Variants in PROM1 observed in about 807,000 individuals in gnomAD.
PROM1 encodes prominin 1.
PROM1 carries 105 observed loss-of-function variants against 116.9 expected under a neutral mutation model. The ratio of observed to expected loss-of-function variants is 0.90; its 90% CI spans 0.77 to 1.06. The LOEUF (loss-of-function observed/expected upper bound fraction) is 1.06. Ranked by LOEUF, PROM1 falls within the 50% of genes least tolerant of loss-of-function variation. PROM1 has a pLI of 0.00. For missense variants in PROM1, 1,122 were observed against 1,045.2 expected, an observed-to-expected ratio of 1.07 and a Z score of -1.01; for synonymous variants, 393 against 387.0, an observed-to-expected ratio of 1.02 and a Z score of -0.18.
At chr4:15,984,493 G>A in intron 22 of PROM1, 138 bp from the exon 23 acceptor site, 3 of 552,436 alleles carry the variant, frequency 5.4e-6, no homozygotes, top group Admixed American at 3.4e-5. Context: ...CAACTCCTGG[G>A]TCACAGATGG....
intron 10 of PROM1, among the ~76,000 whole-genome samples, chr4:16,015,460 G>A (rs1041547086): frequency 9.9e-5 from 15 of 151,236 alleles, no homozygotes; most frequent in African/African-American, 3.6e-4. Context: ...AAGGCCAAGG[G>A]GGGCAGATCA....
At chr4:15,982,562 C>T (rs972673259) in intron 23 of PROM1, among the ~76,000 whole-genome samples, 3 of 152,174 alleles carry the variant, frequency 2.0e-5, no homozygotes, top group African/African-American at 7.2e-5. Flanking sequence ...CGATGTAAAC[C>T]CTCTGCTACA....
chr4:16,027,285 T>C (rs1017588085), intron 5 of PROM1, among the ~76,000 whole-genome samples: 8 of 125,082 alleles, frequency 6.4e-5, no homozygotes, highest in African/African-American at 2.4e-4. Context: ...TTTTGGAGTT[T>C]TGTGAAGAAG....
At chr4:16,013,518 T>C (rs1727469187) in intron 10 of PROM1, among the ~76,000 whole-genome samples, 180 bp from the exon 11 acceptor site, 1 of 152,204 alleles carries the variant, frequency 6.6e-6, no homozygotes, top group Admixed American at 6.5e-5. Context: ...TTAGAGAGCA[T>C]TGTCTTTAAA....
chr4:16,045,572 C>T (rs146849055), intron 2 of PROM1, among the ~76,000 whole-genome samples: 204 of 152,296 alleles, frequency 1.3e-3, no homozygotes, highest in Non-Finnish European at 2.2e-3. Flanking sequence ...TTTCTAGCTA[C>T]GTGCCTCCTC....
chr4:15,998,778 C>T (rs571509821), intron 14 of PROM1, among the ~76,000 whole-genome samples: 22 of 152,072 alleles, frequency 1.4e-4, no homozygotes, highest in Non-Finnish European at 2.1e-4. Flanking sequence ...CGCAGTGGCG[C>T]GATCTCAGCT....
chr4:15,993,501 C>T (rs748351156), intron 16 of PROM1, among the ~76,000 whole-genome samples: 1 of 152,176 alleles, frequency 6.6e-6, no homozygotes, highest in Non-Finnish European at 1.5e-5. Flanking sequence ...TGTCGGCTTC[C>T]ATCCTTTGCT....
intron 14 of PROM1, among the ~76,000 whole-genome samples, chr4:15,999,275 T>C (rs1723108054): frequency 6.6e-6 from 1 of 151,764 alleles, no homozygotes; most frequent in South Asian, 2.1e-4. Flanking sequence ...ATCGAGACCA[T>C]CCTGGCTAAC....
intron 4 of PROM1, 30 bp from the exon 5 acceptor site, chr4:16,033,539 A>T: frequency 7.3e-7 from 1 of 1,367,748 alleles, no homozygotes; most frequent in Non-Finnish European, 1.0e-6. Context: ...AACAGCACAT[A>T]TTGTAGCACA....
chr4:16,000,487 C>G lies in PROM1; in HGVS notation c.1578+9G>C, dbSNP rs747638667. 4.6e-5 allele frequency: 73 copies of G among 1,571,058 alleles called. No individual in the cohort carries two copies. The highest frequency in any genetic ancestry group is 5.8e-5 in the Non-Finnish European group (67 of 1,148,184). ...AGTCCTTTCATAATGGGTAGAAAAT[C>G]ATATTTACCCGGAATAATTCCTTGC... On this transcript the variant is annotated intron_variant, in intron 14 of 27. Transcript: ENST00000447510.
chr4:15,974,462 A>C (rs917363447), intron 26 of PROM1, among the ~76,000 whole-genome samples: 1 of 152,216 alleles, frequency 6.6e-6, no homozygotes, highest in Non-Finnish European at 1.5e-5. Context: ...AAAAAAAACT[A>C]GTTTATGAAA....
Position 15,984,375 on chromosome 4 carries a change from G to A in PROM1, c.2281-20C>T. 6.6e-7 allele frequency: 1 copy of A among 1,509,796 alleles called. No homozygotes were observed. Among genetic ancestry groups the A allele is most frequent in the Non-Finnish European group, 9.0e-7 (1 of 1,114,926 alleles). 93.5% of individuals were successfully genotyped at this position (1,509,796 alleles called of 1,614,324 possible). On this transcript the variant is annotated intron_variant, in intron 22 of 27. Coordinates refer to ENST00000447510, the MANE Select transcript of PROM1 (RefSeq NM_006017.3). Reference sequence around the variant, plus strand: ...ACTGATCTAGGGGGGTGGAAACACAGGGAAACTTTGAGCTGCATCCACAAA... The same window carrying A: ...ACTGATCTAGGGGGGTGGAAACACAAGGAAACTTTGAGCTGCATCCACAAA...
intron 14 of PROM1, among the ~76,000 whole-genome samples, chr4:15,999,487 TC>T (rs1723193264): frequency 2.0e-5 from 3 of 151,606 alleles, no homozygotes; most frequent in African/African-American, 7.3e-5. Context: ...AAAAAAAAAT[TC>T]ACACACTCTC....
At chr4:16,010,407 A>G (rs1211381180) in intron 11 of PROM1, among the ~76,000 whole-genome samples, 3 of 152,252 alleles carry the variant, frequency 2.0e-5, no homozygotes, top group Non-Finnish European at 4.4e-5. Flanking sequence ...CAAGATTAGC[A>G]GTTCTCAAAA....
intron 26 of PROM1, among the ~76,000 whole-genome samples, chr4:15,972,270 T>C (rs897926864): frequency 6.6e-6 from 1 of 152,218 alleles, no homozygotes; most frequent in African/African-American, 2.4e-5. Context: ...TTTCTGCTGC[T>C]ATAACAGAAT....
intron 11 of PROM1, among the ~76,000 whole-genome samples, chr4:16,011,143 A>C (rs1395466987): frequency 6.6e-6 from 1 of 151,118 alleles, no homozygotes; most frequent in Non-Finnish European, 1.5e-5. Context: ...TGCTCTGACA[A>C]CTCTCTATGT....
Position 16,008,965 on chromosome 4 carries a change from C to T in PROM1, c.1285G>A (p.Glu429Lys). 1 of 1,590,820 alleles carries T rather than the reference C, an allele frequency of 6.3e-7. No homozygotes were observed. ...YIHRNLPTLE[E>K]YDSYWWLGGL... The stretch of plus-strand genomic sequence containing the variant: ...GACACTCACCAGTATGAATCATACT[C>T]TTCCAATGTAGGTAAATTTCTGTGG... Residue 429 changes from glutamate (E) to lysine (K), a missense_variant, in exon 12 of 28, where the codon GAG becomes AAG. Coordinates refer to ENST00000447510, the MANE Select transcript of PROM1 (RefSeq NM_006017.3).
At chr4:16,045,654 G>T (rs1578195672) in intron 2 of PROM1, among the ~76,000 whole-genome samples, 1 of 151,724 alleles carries the variant, frequency 6.6e-6, no homozygotes, top group Non-Finnish European at 1.5e-5. Flanking sequence ...TTTTTTTTCA[G>T]CAGAAAGTAA....
In PROM1 at chr4:15,994,015, T is replaced by C. The variant is rs1721701534; in HGVS notation, c.1739A>G (p.Asn580Ser). ...YGTLHLQNSF[N>S]ISEHLNINEH... Reference sequence around the variant, plus strand: ...ATTAATGTTGAGATGTTCACTGATATTGAAGCTGTTCTGCAGGTGAAGAGT... The same window carrying C: ...ATTAATGTTGAGATGTTCACTGATACTGAAGCTGTTCTGCAGGTGAAGAGT... Residue 580 changes from asparagine to serine, a missense_variant, in exon 16 of 28, where the codon AAT (asparagine) becomes AGT (serine). Physicochemically the swap from Asn to Ser is conservative, Grantham distance 46 (BLOSUM62 1). Transcript: ENST00000447510. 2.5e-6 allele frequency: 4 copies of C among 1,613,874 alleles called. No individual in the cohort carries two copies. Among genetic ancestry groups the C allele is most frequent in the Admixed American group, 3.3e-5 (2 of 60,010 alleles).
Sources: gnomAD v4.1 joint callset for allele counts (sites outside exome capture counted in the v4.1 genomes callset) on GRCh38, gnomAD v4.1.1 for gene constraint, MANE v1.5 for transcripts, NCBI Gene and HGNC (gene_info 2026-07-23, HGNC 2026-07-21) for gene names.